The following PTPRD variants were observed in gnomAD, a reference collection of about 807,000 sequenced individuals.
PTPRD encodes the protein receptor-type tyrosine-protein phosphatase delta.
A neutral mutation model predicts 214.5 loss-of-function variants in PTPRD; 34 were observed. That is an observed-to-expected ratio of 0.16 (90% CI 0.12 to 0.21). The LOEUF (loss-of-function observed/expected upper bound fraction) is 0.21, where lower values mean the gene tolerates loss of function less well. PTPRD is among the 10% of genes least tolerant of loss of function. The probability of loss-of-function intolerance (pLI) is 1.00; values close to 1 mark genes in which losing one functional copy is unlikely to be tolerated. For synonymous variants in PTPRD, 1,128 were observed against 845.7 expected, an observed-to-expected ratio of 1.33 and a Z score of -5.79; for missense variants, 2,545 against 2,398.7, an observed-to-expected ratio of 1.06 and a Z score of -1.27.
intron 11 of PTPRD, among the ~76,000 whole-genome samples, chr9:8,949,380 C>G (rs912909740): frequency 6.6e-6 from 1 of 152,022 alleles, no homozygotes; most frequent in Non-Finnish European, 1.5e-5. Flanking sequence ...CTTCCTTTCA[C>G]TTACATGAAC....
At chr9:8,528,416 T>G (rs1218595353) in intron 15 of PTPRD, 175 bp downstream of exon 15, 1 of 672,268 alleles carries the variant, frequency 1.5e-6, no homozygotes, top group South Asian at 1.8e-5. Flanking sequence ...AGACAGACTC[T>G]GAAACAGGCT....
At chr9:10,581,168 T>C (rs1320074053) in intron 2 of PTPRD, among the ~76,000 whole-genome samples, 2 of 152,178 alleles carry the variant, frequency 1.3e-5, no homozygotes, top group African/African-American at 2.4e-5. Flanking sequence ...TGAGAATTAA[T>C]AGTTACTATC....
intron 3 of PTPRD, among the ~76,000 whole-genome samples, chr9:10,097,614 C>G (rs1384825954): frequency 6.6e-6 from 1 of 151,656 alleles, no homozygotes; most frequent in Non-Finnish European, 1.5e-5. Context: ...GCTGAAGTTG[C>G]TTATCAGCTT....
chr9:9,445,511 T>C (rs781014631), intron 8 of PTPRD, among the ~76,000 whole-genome samples: 12 of 152,142 alleles, frequency 7.9e-5, no homozygotes, highest in Non-Finnish European at 1.2e-4. Context: ...TGACTCATAG[T>C]TCTGCATGGC....
At chr9:10,237,269 G>T (rs1413787992) in intron 3 of PTPRD, among the ~76,000 whole-genome samples, 1 of 151,702 alleles carries the variant, frequency 6.6e-6, no homozygotes, top group Non-Finnish European at 1.5e-5. Context: ...TCTCAAAAAA[G>T]GCCACAATTA....
chr9:9,129,442 T>G (rs938787058), intron 10 of PTPRD, among the ~76,000 whole-genome samples: 2 of 151,966 alleles, frequency 1.3e-5, no homozygotes, highest in African/African-American at 4.8e-5. Flanking sequence ...ACTCAGCTGA[T>G]TTCCCTTCCT....
chr9:8,643,449 G>C (rs1045433937), intron 12 of PTPRD, among the ~76,000 whole-genome samples: 1 of 152,214 alleles, frequency 6.6e-6, no homozygotes, highest in African/African-American at 2.4e-5. Context: ...ATGAGTGAGA[G>C]AACTTCTGAT....
At chr9:10,287,144 T>C (rs1596206620) in intron 3 of PTPRD, among the ~76,000 whole-genome samples, 3 of 152,146 alleles carry the variant, frequency 2.0e-5, no homozygotes, top group Admixed American at 6.5e-5. Flanking sequence ...AAAAAGATGG[T>C]TTCTATAGTT....
chr9:9,725,099 A>G (rs2098056627), intron 7 of PTPRD, among the ~76,000 whole-genome samples: 1 of 152,120 alleles, frequency 6.6e-6, no homozygotes, highest in East Asian at 1.9e-4. Flanking sequence ...GAGTGTCCTT[A>G]ACACATCCTC....
intron 11 of PTPRD, among the ~76,000 whole-genome samples, chr9:8,765,047 T>C (rs771391898): frequency 7.2e-5 from 11 of 152,162 alleles, no homozygotes; most frequent in African/African-American, 1.2e-4. Flanking sequence ...TGTGTGATTA[T>C]GATAAAATGA....
chr9:10,307,917 T>G (rs2096137039), intron 3 of PTPRD, among the ~76,000 whole-genome samples: 1 of 152,054 alleles, frequency 6.6e-6, no homozygotes, highest in Non-Finnish European at 1.5e-5. Context: ...TTGGGATTAT[T>G]TGATTTTTGT....
chr9:9,723,164 T>A lies in PTPRD; in HGVS notation c.-287+11369A>T, dbSNP rs1487336238. ...ATTTTATAGTTTTGCCTTTTATATT[T>A]AGGCCTGTGATCTATTTTGAGTTAT... On this transcript the variant is annotated intron_variant, in intron 7 of 45. Transcript: ENST00000381196. 7.2e-5 allele frequency among the ~76,000 whole-genome samples: 11 copies of A among 152,104 alleles called. No homozygotes were observed. In the East Asian group the frequency reaches 2.1e-3, roughly 29 times the overall value.
Position 8,960,724 on chromosome 9 carries a change from A to T in PTPRD, c.-104+57973T>A, listed in dbSNP as rs545588926. Among the ~76,000 whole-genome samples, 22 of 152,244 alleles carry T rather than the reference A, an allele frequency of 1.4e-4. No individual in the cohort carries two copies. The South Asian group carries it at 4.1e-3, about 29-fold the overall frequency. On this transcript the variant is annotated intron_variant, in intron 11 of 45. Coordinates refer to ENST00000381196, the MANE Select transcript of PTPRD (RefSeq NM_002839.4). ...AGCCAGAGACCTACTTTCTAGCTTAATCCTGACATTCATAAACTATTGAAG... is the reference window on the plus strand; with the variant it reads ...AGCCAGAGACCTACTTTCTAGCTTATTCCTGACATTCATAAACTATTGAAG...
intron 14 of PTPRD, among the ~76,000 whole-genome samples, chr9:8,570,847 A>G (rs1168901529): frequency 6.6e-6 from 1 of 151,988 alleles, no homozygotes; most frequent in African/African-American, 2.4e-5. Context: ...TTTTATGCCC[A>G]AGGTCAGGAG....
intron 5 of PTPRD, among the ~76,000 whole-genome samples, chr9:9,907,304 T>C (rs1011344554): frequency 6.6e-6 from 1 of 151,970 alleles, no homozygotes; most frequent in African/African-American, 2.4e-5. Context: ...ATCCTATTAT[T>C]ATTATATTAG....
At chr9:8,937,907 A>C (rs957497250) in intron 11 of PTPRD, among the ~76,000 whole-genome samples, 2 of 152,188 alleles carry the variant, frequency 1.3e-5, no homozygotes, top group African/African-American at 4.8e-5. Flanking sequence ...AATTAGGTCA[A>C]TATGCAATCT....
At chr9:10,557,905 G>A (rs2062980080) in intron 2 of PTPRD, among the ~76,000 whole-genome samples, 1 of 152,138 alleles carries the variant, frequency 6.6e-6, no homozygotes, top group South Asian at 2.1e-4. Flanking sequence ...CATCAGGACT[G>A]TTTTAATGAG....
rs572932217 is a variant in PTPRD at position 8,920,405 on chromosome 9, C to G, written c.-104+98292G>C. 2.6e-5 allele frequency among the ~76,000 whole-genome samples: 4 copies of G among 152,120 alleles called. No individual in the cohort carries two copies. In the East Asian group the frequency reaches 7.7e-4, roughly 29 times the overall value. ...GCAATGTATTTGGAATGAGGAAAAA[C>G]ATTGAAAATATCTATCTTGGTCATA... is the stretch of plus-strand genomic sequence containing the variant. On this transcript the variant is annotated intron_variant, in intron 11 of 45. Transcript: ENST00000381196.
chr9:9,358,044 T>C (rs2054531343), intron 9 of PTPRD, among the ~76,000 whole-genome samples: 1 of 151,320 alleles, frequency 6.6e-6, no homozygotes, highest in African/African-American at 2.4e-5. Context: ...GATTTTTCTA[T>C]AAGATTTTTT....
Sources: gnomAD v4.1 joint callset for allele counts (sites outside exome capture counted in the v4.1 genomes callset) on GRCh38, gnomAD v4.1.1 for gene constraint, MANE v1.5 for transcripts, NCBI Gene and HGNC (gene_info 2026-07-23, HGNC 2026-07-21) for gene names.